The following KIF13B variants were observed in gnomAD, a reference collection of about 807,000 sequenced individuals.
KIF13B encodes kinesin-like protein KIF13B.
KIF13B carries 127 observed loss-of-function variants against 222.0 expected under a neutral mutation model. The observed-to-expected ratio is 0.57, with a 90% CI of 0.50 to 0.66. The LOEUF (loss-of-function observed/expected upper bound fraction) is 0.66, where lower values mean the gene tolerates loss of function less well. Among genes scored for constraint, KIF13B ranks in the 30% least tolerant of loss-of-function variants. The probability of loss-of-function intolerance (pLI) is 0.00; values close to 1 mark genes in which losing one functional copy is unlikely to be tolerated. For synonymous variants in KIF13B, 976 were observed against 919.0 expected, an observed-to-expected ratio of 1.06 and a Z score of -1.12; for missense variants, 2,173 against 2,379.0, an observed-to-expected ratio of 0.91 and a Z score of 1.80.
chr8:29,161,205 G>C (rs1000184311), intron 12 of KIF13B, among the ~76,000 whole-genome samples: 1 of 151,948 alleles, frequency 6.6e-6, no homozygotes, highest in African/African-American at 2.4e-5. Context: ...TCCTCAACCG[G>C]GATCCTTCTT....
chr8:29,148,837 T>C lies in KIF13B; in HGVS notation c.1623-70A>G, dbSNP rs1811177952. On this transcript the variant is annotated intron_variant, in intron 15 of 39. Transcript: ENST00000524189. ...CTTATTCATGTCATTCATTAAGTAC[T>C]GGTATCTGTTAGAAGCCAAGTGGAT... 2.3e-6 allele frequency: 3 copies of C among 1,302,518 alleles called. No individual in the cohort carries two copies. In the African/African-American group the frequency reaches 4.4e-5, roughly 19 times the overall value. 80.7% of individuals were successfully genotyped at this position (1,302,518 alleles called of 1,614,324 possible). A position where few individuals can be genotyped will look rare whatever the true frequency, so the allele number is the denominator to read the frequency against.
At chr8:29,120,184 T>A (rs868007547) in intron 29 of KIF13B, among the ~76,000 whole-genome samples, 4 of 149,222 alleles carry the variant, frequency 2.7e-5, no homozygotes, top group Admixed American at 2.7e-4. Context: ...TTTTTTTTTT[T>A]TTTTTTTATT....
At chr8:29,260,763 TCCA>T (rs778124819) in intron 1 of KIF13B, among the ~76,000 whole-genome samples, 65 of 151,974 alleles carry the variant, frequency 4.3e-4, no homozygotes, top group Admixed American at 6.6e-5. Flanking sequence ...ATTACAGGCG[TCCA>T]CCACCACGCC....
At chr8:29,101,999 G>A (rs552774952) in intron 35 of KIF13B, among the ~76,000 whole-genome samples, 1 of 151,948 alleles carries the variant, frequency 6.6e-6, no homozygotes, top group Non-Finnish European at 1.5e-5. Flanking sequence ...CTGTTCCCCA[G>A]GGACAACGCA....
At chr8:29,099,553 C>G (rs998309306) in intron 35 of KIF13B, among the ~76,000 whole-genome samples, 3 of 152,086 alleles carry the variant, frequency 2.0e-5, no homozygotes, top group Non-Finnish European at 4.4e-5. Context: ...CTTTTTACTA[C>G]TTTTGTAGAG....
rs1436730783 is a variant in KIF13B at position 29,190,979 on chromosome 8, G to A, written c.223+18C>T. On this transcript the variant is annotated intron_variant, in intron 4 of 39. Transcript: ENST00000524189. ...CTTCTACACCATCAGTAGTTGACAG[G>A]ATGCTGGATTCTATTACCTGCATAC... 2.5e-6 allele frequency: 4 copies of A among 1,597,808 alleles called. No individual in the cohort carries two copies. In the African/African-American group the frequency reaches 4.0e-5, roughly 16 times the overall value.
In KIF13B at chr8:29,186,357, A is replaced by T; in HGVS notation, c.432T>A (p.Phe144Leu). Residue 144 changes from phenylalanine (F) to leucine (L), a missense_variant, in exon 6 of 40, where the codon TTT becomes TTA. This residue lies in a region of KIF13B where 1,480 missense variants were observed against 1,722.8 expected (regional missense o/e 0.86). Coordinates refer to ENST00000524189, the MANE Select transcript of KIF13B (RefSeq NM_015254.4). ...TTTCCATGTAGGACACTTCTACTTTAAAACTCTGTTCTTCATTTTCCTCTT... is the reference window on the plus strand; with the variant it reads ...TTTCCATGTAGGACACTTCTACTTTTAAACTCTGTTCTTCATTTTCCTCTT... ...TQKEENEEQS[F>L]KVEVSYMEIY... 1 of 1,613,802 alleles carries T rather than the reference A, an allele frequency of 6.2e-7. No individual in the cohort carries two copies. The highest frequency in any genetic ancestry group is 1.1e-5 in the South Asian group (1 of 91,078).
chr8:29,161,578 C>T (rs1586862076), intron 12 of KIF13B, among the ~76,000 whole-genome samples: 1 of 152,170 alleles, frequency 6.6e-6, no homozygotes, highest in East Asian at 1.9e-4. Context: ...TGCCTGTAAT[C>T]CCAGCTACTC....
intron 2 of KIF13B, among the ~76,000 whole-genome samples, chr8:29,209,743 T>C (rs920208484): frequency 1.3e-5 from 2 of 151,992 alleles, no homozygotes; most frequent in Non-Finnish European, 2.9e-5. Context: ...CACAGAAAGA[T>C]AGAGGGTGAT....
At chr8:29,125,015 A>C (rs1397753851) in intron 26 of KIF13B, among the ~76,000 whole-genome samples, 1 of 152,188 alleles carries the variant, frequency 6.6e-6, no homozygotes, top group African/African-American at 2.4e-5. Context: ...ACTCCACTGC[A>C]CTATGGTCTG....
At chr8:29,124,668 G>A (rs1385215212) in intron 26 of KIF13B, among the ~76,000 whole-genome samples, 1 of 152,094 alleles carries the variant, frequency 6.6e-6, no homozygotes, top group East Asian at 1.9e-4. Flanking sequence ...CAGATAACCT[G>A]AGGTCAGGAG....
In KIF13B at chr8:29,140,529, T is replaced by C. The variant is rs771987927; in HGVS notation, c.2423A>G (p.Glu808Gly). 1 of 1,613,912 alleles carries C rather than the reference T, an allele frequency of 6.2e-7. No homozygotes were observed. Residue 808 changes from glutamate (E) to glycine (G), a missense_variant, in exon 20 of 40, where the codon GAG (glutamate) becomes GGG (glycine). Glu to Gly is a moderately conservative substitution (Grantham distance 98). Around this residue, in one of 2 missense-constraint regions of KIF13B, gnomAD observed 1,480 missense variants for 1,722.8 expected, o/e 0.86. Transcript: ENST00000524189. The stretch of plus-strand genomic sequence containing the variant: ...TAACTTCACATCATAGAAAAGTGAC[T>C]CGAGGAAGACATTGGCCACCCCAAT... The part of the protein sequence containing the change: ...SLIGVANVFL[E>G]SLFYDVKLQY...
At chr8:29,180,488 C>T (rs560361591) in intron 7 of KIF13B, among the ~76,000 whole-genome samples, 1 of 152,254 alleles carries the variant, frequency 6.6e-6, no homozygotes, top group Admixed American at 6.5e-5. Context: ...AGAAGCTACA[C>T]CTTTGGTCAC....
At chr8:29,181,143 T>C (rs961022098) in intron 7 of KIF13B, among the ~76,000 whole-genome samples, 1 of 152,146 alleles carries the variant, frequency 6.6e-6, no homozygotes, top group Non-Finnish European at 1.5e-5. Context: ...TCCTTAAGGG[T>C]GTAGGCATGC....
chr8:29,262,915 G>C, intron 1 of KIF13B, 65 bp downstream of exon 1: 2 of 1,372,774 alleles, frequency 1.5e-6, no homozygotes, highest in Non-Finnish European at 2.0e-6. Context: ...CACGGCGGCC[G>C]AGGGAAGGGC....
chr8:29,068,618 C>T lies in KIF13B; in HGVS notation c.*1886G>A. 1 of 152,492 alleles carries T rather than the reference C, an allele frequency of 6.6e-6. No individual in the cohort carries two copies. The allele number at this position is 152,492 out of a possible 1,614,324, so 9.4% of individuals were successfully genotyped here. A position where few individuals can be genotyped will look rare whatever the true frequency, so the allele number is the denominator to read the frequency against. On this transcript the variant is annotated 3_prime_UTR_variant, in exon 40 of 40. Transcript: ENST00000524189. The surrounding 1 kb of genome is among the most constrained non-coding windows in gnomAD (Gnocchi z 4.4). Reference sequence around the variant, plus strand: ...GGATGGCTCAGCCACCACGAAGTGCCAGGTCCCACCCACGCTGCCCGTCCG... The same window carrying T: ...GGATGGCTCAGCCACCACGAAGTGCTAGGTCCCACCCACGCTGCCCGTCCG...
intron 35 of KIF13B, among the ~76,000 whole-genome samples, chr8:29,107,525 T>TCACA (rs372061687): frequency 4.0e-5 from 6 of 148,238 alleles, no homozygotes; most frequent in African/African-American, 9.9e-5. Context: ...CGAAACATCA[T>TCACA]CACACACACA....
At chr8:29,197,103 C>T (rs1322318410) in intron 2 of KIF13B, among the ~76,000 whole-genome samples, 8 of 151,660 alleles carry the variant, frequency 5.3e-5, no homozygotes, top group Non-Finnish European at 7.4e-5. Context: ...TTTGGGAGGC[C>T]GAGGCGGGCG....
At chr8:29,231,001 C>G (rs1321543435) in intron 2 of KIF13B, among the ~76,000 whole-genome samples, 2 of 152,176 alleles carry the variant, frequency 1.3e-5, no homozygotes, top group Admixed American at 6.5e-5. Flanking sequence ...TTGTCTCAGC[C>G]TCCCAAGTAG....
Sources: gnomAD v4.1 joint callset for allele counts (sites outside exome capture counted in the v4.1 genomes callset) on GRCh38, gnomAD v4.1.1 for gene constraint, gnomAD v4.1.1 regional missense constraint, Gnocchi (gnomAD v3.1) non-coding constraint, MANE v1.5 for transcripts, NCBI Gene and HGNC (gene_info 2026-07-23, HGNC 2026-07-21) for gene names.